DGCR2: variants seen among roughly 807,000 people sequenced by gnomAD.
DGCR2 encodes the protein integral membrane protein DGCR2/IDD.
DGCR2 carries 24 observed loss-of-function variants against 51.6 expected under a neutral mutation model. The observed-to-expected ratio is 0.47, with a 90% CI of 0.34 to 0.65. The LOEUF (loss-of-function observed/expected upper bound fraction) is 0.65. Among genes scored for constraint, DGCR2 ranks in the 30% least tolerant of loss-of-function variants. DGCR2 has a pLI of 0.01. For missense variants in DGCR2, 765 were observed against 772.1 expected (o/e 0.99, Z 0.11); for synonymous variants, 340 against 315.4 (o/e 1.08, Z -0.82).
At chr22:19,061,035 C>A (rs1410500199) in intron 5 of DGCR2, 1 of 236,484 alleles carries the variant, frequency 4.2e-6, no homozygotes, top group Non-Finnish European at 8.9e-6. Flanking sequence ...AATGTGAGGC[C>A]CTTCCACCAT....
chr22:19,089,313 C>T, intron 2 of DGCR2, 55 bp downstream of exon 2: 1 of 1,506,592 alleles, frequency 6.6e-7, no homozygotes, highest in Non-Finnish European at 8.9e-7. Context: ...GCACAGTCAC[C>T]CAGCTACAAC....
intron 1 of DGCR2, among the ~76,000 whole-genome samples, chr22:19,097,235 C>CTA (rs765291112): frequency 1.6e-3 from 241 of 150,634 alleles, no homozygotes; most frequent in African/African-American, 4.6e-3. Flanking sequence ...TATAGTAAAC[C>CTA]TATATATATA....
At chr22:19,116,071 A>C (rs1199798903) in intron 1 of DGCR2, among the ~76,000 whole-genome samples, 1 of 152,250 alleles carries the variant, frequency 6.6e-6, no homozygotes, top group African/African-American at 2.4e-5. Context: ...CAAATGAGGA[A>C]ACTGAAGAGT....
intron 2 of DGCR2, among the ~76,000 whole-genome samples, chr22:19,068,431 C>T (rs574528315): frequency 6.6e-6 from 1 of 152,224 alleles, no homozygotes; most frequent in African/African-American, 2.4e-5. Flanking sequence ...AAAATTATGC[C>T]GTGGCAGTTT....
In DGCR2 at chr22:19,122,165, G is replaced by C; in HGVS notation, c.42C>G (p.Phe14Leu). Residue 14 changes from phenylalanine (F) to leucine (L), a missense_variant, in exon 1 of 10, where the codon TTC becomes TTG. This residue lies in a region of DGCR2 where 370 missense variants were observed against 325.5 expected (regional missense o/e 1.14). Transcript: ENST00000263196. ...GCTCGGTGACAGTGAGCACGAGCAG[G>C]AAGAGCAGCAGGAAGGCGCCGCTGT... ...KADSGAFLLL[F>L]LLVLTVTEPL... 2 of 1,513,166 alleles carry C rather than the reference G, an allele frequency of 1.3e-6. No homozygotes were observed. The highest frequency in any genetic ancestry group is 2.1e-5 in the Admixed American group (1 of 46,884). 93.7% of individuals were successfully genotyped at this position (1,513,166 alleles called of 1,614,324 possible). A position where few individuals can be genotyped will look rare whatever the true frequency, so the allele number is the denominator to read the frequency against.
Position 19,088,149 on chromosome 22 carries a change from A to G in DGCR2, c.202+1219T>C, listed in dbSNP as rs369219428. Among the ~76,000 whole-genome samples the G allele has an allele frequency of 2.0e-5, 3 of 152,326 alleles. No homozygotes were observed. The East Asian group carries it at 5.8e-4, about 29-fold the overall frequency. Reference sequence around the variant, plus strand: ...TTCCTTCAGTACTAAGCCTATAGGAATTACAGCACACCTTTCATGTCCTAG... The same window carrying G: ...TTCCTTCAGTACTAAGCCTATAGGAGTTACAGCACACCTTTCATGTCCTAG... On this transcript the variant is annotated intron_variant, in intron 2 of 9. Transcript: ENST00000263196.
intron 5 of DGCR2, chr22:19,060,916 A>AG (rs1252802178): frequency 2.0e-6 from 1 of 510,532 alleles, no homozygotes; most frequent in African/African-American, 1.9e-5. Context: ...ACATGGGCAT[A>AG]GTAAGCGTCT....
chr22:19,041,251 G>A lies in DGCR2; in HGVS notation c.1203C>T (p.Tyr401=), dbSNP rs368004245. The change falls in exon 9 of 10, where the codon TAC becomes TAT. Residue 401 remains tyrosine (Y), a synonymous_variant. Transcript: ENST00000263196. The stretch of plus-strand genomic sequence containing the variant: ...GGCCCGTGCCAAACCCGTCTGGGCC[G>A]TAATCAAAGCCAGGGATCCTGCGGC... ...NLGRRIPGFD[Y]GPDGFGTGLT... is the part of the protein sequence containing the mutation. 1.2e-5 allele frequency: 19 copies of A among 1,613,994 alleles called. 1 individual carries two copies. The highest frequency in any genetic ancestry group is 1.6e-4 in the Middle Eastern group (1 of 6,078).
At chr22:19,107,368 C>A (rs960552684) in intron 1 of DGCR2, among the ~76,000 whole-genome samples, 4 of 152,218 alleles carry the variant, frequency 2.6e-5, no homozygotes, top group African/African-American at 9.6e-5. Context: ...AACACTGACA[C>A]TGGGGAACAC....
At chr22:19,054,190 C>A (rs1601518676) in intron 6 of DGCR2, among the ~76,000 whole-genome samples, 2 of 152,166 alleles carry the variant, frequency 1.3e-5, no homozygotes, top group African/African-American at 4.8e-5. Flanking sequence ...AGTGTGGGTA[C>A]ATAAGAAAGT....
intron 1 of DGCR2, 39 bp from the exon 2 acceptor site, chr22:19,089,529 C>T (rs747091141): frequency 1.3e-6 from 2 of 1,495,744 alleles, no homozygotes; most frequent in Non-Finnish European, 1.8e-6. Context: ...GAGGAAGTGG[C>T]AGTAGGCCAG....
In DGCR2 at chr22:19,070,957, G is replaced by C. The variant is rs557591538; in HGVS notation, c.203-2732C>G. Among the ~76,000 whole-genome samples, 70 of 152,334 alleles carry C rather than the reference G, an allele frequency of 4.6e-4. 1 individual carries two copies. The highest frequency in any genetic ancestry group is 1.6e-3 in the African/African-American group (67 of 41,576). On this transcript the variant is annotated intron_variant, in intron 2 of 9. Coordinates refer to ENST00000263196, the MANE Select transcript of DGCR2 (RefSeq NM_005137.3). ...GGGGAGAGTCTGGGGGCCAGGCTGG[G>C]GAATGCGCATAGCACAGGACAGAAC...
chr22:19,074,028 T>G (rs2082845907), intron 2 of DGCR2, among the ~76,000 whole-genome samples: 1 of 152,068 alleles, frequency 6.6e-6, no homozygotes, highest in South Asian at 2.1e-4. Flanking sequence ...GATCTGTAAC[T>G]GAGGGGACAT....
At position 19,082,743 on chromosome 22, in the gene DGCR2, C is replaced by A. The variant is rs1329745231; in HGVS notation, c.202+6625G>T. Among the ~76,000 whole-genome samples, 8 of 148,216 alleles carry A rather than the reference C, an allele frequency of 5.4e-5. No individual in the cohort carries two copies. In the Admixed American group the frequency reaches 5.4e-4, roughly 10 times the overall value. On this transcript the variant is annotated intron_variant, in intron 2 of 9. Coordinates refer to ENST00000263196, the MANE Select transcript of DGCR2 (RefSeq NM_005137.3). Reference sequence around the variant, plus strand: ...CCAGCCTCCAGCCTGGGTGACAGAGCGAAACTCCATCTCCAAAAAAAAACA... The same window carrying A: ...CCAGCCTCCAGCCTGGGTGACAGAGAGAAACTCCATCTCCAAAAAAAAACA...
In DGCR2 at chr22:19,092,924, A is replaced by AG. The variant is rs556767160; in HGVS notation, c.80-3435dup. ...AGGAGGAGGAGGAGGAAAGAAAGGA[A>AG]GAAGGAAGGAAGGAGTTCATCTACA... On this transcript the variant is annotated intron_variant, in intron 1 of 9. Coordinates refer to ENST00000263196, the MANE Select transcript of DGCR2 (RefSeq NM_005137.3). Among the ~76,000 whole-genome samples the AG allele has an allele frequency of 2.9e-4, 44 of 151,858 alleles. 1 individual carries two copies. The South Asian group carries it at 8.9e-3, about 31-fold the overall frequency.
chr22:19,077,498 T>G (rs2082891223), intron 2 of DGCR2, among the ~76,000 whole-genome samples: 1 of 152,236 alleles, frequency 6.6e-6, no homozygotes, highest in African/African-American at 2.4e-5. Flanking sequence ...GACCACTGTA[T>G]GCAAGGACTT....
chr22:19,098,532 G>A (rs1023624854), intron 1 of DGCR2, among the ~76,000 whole-genome samples: 2 of 152,202 alleles, frequency 1.3e-5, no homozygotes, highest in African/African-American at 4.8e-5. Flanking sequence ...CCAGTTGCAG[G>A]TATAGTTTGC....
At position 19,063,180 on chromosome 22, in the gene DGCR2, C is replaced by G. The variant is rs956769637; in HGVS notation, c.625+22G>C. On this transcript the variant is annotated intron_variant, in intron 5 of 9. Coordinates refer to ENST00000263196, the MANE Select transcript of DGCR2 (RefSeq NM_005137.3). ...GTGACTCTGCCCAGCTTCAAACACT[C>G]CCACACACCAGAAGGGCTCACCTTT... The G allele has an allele frequency of 1.9e-6, 3 of 1,612,382 alleles. No homozygotes were observed. In the African/African-American group the frequency reaches 4.0e-5, roughly 22 times the overall value.
chr22:19,058,774 C>G (rs879667328), intron 5 of DGCR2, among the ~76,000 whole-genome samples: 2 of 152,240 alleles, frequency 1.3e-5, no homozygotes, highest in Admixed American at 1.3e-4. Context: ...CATTTGCCCA[C>G]GAAAGCTGCC....
Sources: allele counts gnomAD v4.1 joint callset (sites outside exome capture counted in the v4.1 genomes callset), GRCh38; gene constraint gnomAD v4.1.1; regional missense constraint gnomAD v4.1.1; transcripts MANE v1.5; gene names NCBI Gene and HGNC (gene_info 2026-07-23, HGNC 2026-07-21).